The following PCDHGA4 variants were observed in gnomAD, a reference collection of about 807,000 sequenced individuals.
The protein encoded by PCDHGA4 is protocadherin gamma-A4.
PCDHGA4 carries 38 observed loss-of-function variants against 54.6 expected under a neutral mutation model. The ratio of observed to expected loss-of-function variants is 0.70; its 90% confidence interval spans 0.54 to 0.91. The LOEUF (loss-of-function observed/expected upper bound fraction) is 0.91. Ranked by LOEUF, PCDHGA4 falls within the 40% of genes least tolerant of loss-of-function variation. The pLI, the probability that PCDHGA4 is intolerant of heterozygous loss-of-function variation, is 0.00. For missense variants in PCDHGA4, 1,298 were observed against 1,220.9 expected, an observed-to-expected ratio of 1.06 and a Z score of -0.94; for synonymous variants, 511 against 512.9, an observed-to-expected ratio of 1.00 and a Z score of 0.05.
chr5:141,388,849 G>A, intron 1 of PCDHGA4: 1 of 1,614,026 alleles, frequency 6.2e-7, no homozygotes, highest in Non-Finnish European at 8.5e-7. Flanking sequence ...GCAAGGGACG[G>A]TGGAGGAATG....
At chr5:141,393,777 G>A (rs1388423635) in intron 1 of PCDHGA4, 2 of 1,613,916 alleles carry the variant, frequency 1.2e-6, no homozygotes, top group East Asian at 2.2e-5. Context: ...AATACAAGCC[G>A]AAGATGTGGG....
At chr5:141,484,347 T>C (rs569724902) in intron 1 of PCDHGA4, among the ~76,000 whole-genome samples, 2 of 152,302 alleles carry the variant, frequency 1.3e-5, no homozygotes, top group East Asian at 1.9e-4. Flanking sequence ...AATGGTAATT[T>C]AGTGTATCTA....
At chr5:141,376,171 G>T (rs758847977) in intron 1 of PCDHGA4, 1 of 1,614,096 alleles carries the variant, frequency 6.2e-7, no homozygotes, top group South Asian at 1.1e-5. Context: ...TGGTGGTGGC[G>T]GTGGCCGCGG....
intron 1 of PCDHGA4, chr5:141,391,563 A>T (rs545672465): frequency 5.3e-5 from 8 of 152,322 alleles, no homozygotes; most frequent in Admixed American, 2.0e-4. Context: ...TTCCATATGC[A>T]TAAGAAAATA....
rs2099413641 is a variant in PCDHGA4, at chr5:141,477,586, T to C, written c.2515-17221T>C. The C allele has an allele frequency of 1.9e-6, 3 of 1,614,022 alleles. No individual in the cohort carries two copies. The highest frequency in any genetic ancestry group is 2.5e-6 in the Non-Finnish European group (3 of 1,180,036). On this transcript the variant is annotated intron_variant, in intron 1 of 3. Transcript: ENST00000571252. This position sits in a 1 kb window ranked among gnomAD's most constrained non-coding sequence, Gnocchi z 4.9. ...GGGACCCCGACGCCCCGCAGAATGC[T>C]CGGCTTTCTTTCTTTCTCTTGGAGC... is the stretch of plus-strand genomic sequence containing the variant.
intron 1 of PCDHGA4, among the ~76,000 whole-genome samples, chr5:141,457,912 C>T (rs991917175): frequency 1.3e-5 from 2 of 152,120 alleles, no homozygotes; most frequent in African/African-American, 4.8e-5. Context: ...GGTGTGAGGC[C>T]AGTTCTCCCC....
chr5:141,362,108 C>A, intron 1 of PCDHGA4: 4 of 1,613,972 alleles, frequency 2.5e-6, no homozygotes, highest in Non-Finnish European at 3.4e-6. Context: ...TCCGCTACGG[C>A]CACGCTGCAC....
At chr5:141,411,954 A>T (rs563669924) in intron 1 of PCDHGA4, 1 of 152,382 alleles carries the variant, frequency 6.6e-6, no homozygotes, top group East Asian at 1.9e-4. Flanking sequence ...TTTTGAAGAA[A>T]AAAGATAAAA....
intron 1 of PCDHGA4, among the ~76,000 whole-genome samples, chr5:141,402,117 A>G (rs1344939045): frequency 6.6e-6 from 1 of 152,172 alleles, no homozygotes; most frequent in Non-Finnish European, 1.5e-5. Context: ...AAATGTGAAA[A>G]TTTCCAACTT....
chr5:141,399,494 G>A, intron 1 of PCDHGA4: 1 of 1,614,032 alleles, frequency 6.2e-7, no homozygotes, highest in Non-Finnish European at 8.5e-7. Flanking sequence ...TACTTAGTCA[G>A]TGTACCCGAA....
At position 141,364,381 on chromosome 5, in the gene PCDHGA4, C is replaced by A. The variant is rs1763293238; in HGVS notation, c.2514+6760C>A. On this transcript the variant is annotated intron_variant, in intron 1 of 3. Coordinates refer to ENST00000571252, the MANE Select transcript of PCDHGA4 (RefSeq NM_018917.4). ...GCTGCGGAGAGCTGCTGCTGCCCTTCATGCTCCTGGGGACGCTGTGCGAGC... is the reference window on the plus strand; with the variant it reads ...GCTGCGGAGAGCTGCTGCTGCCCTTAATGCTCCTGGGGACGCTGTGCGAGC... The A allele has an allele frequency of 1.9e-6, 3 of 1,581,268 alleles. No homozygotes were observed. In the South Asian group the frequency reaches 3.5e-5, roughly 18 times the overall value.
At chr5:141,364,321 A>G (rs762290044) in intron 1 of PCDHGA4, 21 of 1,526,304 alleles carry the variant, frequency 1.4e-5, no homozygotes, top group Middle Eastern at 1.8e-4. Flanking sequence ...AATTGGGCAG[A>G]GAGAAGGCAA....
intron 1 of PCDHGA4, among the ~76,000 whole-genome samples, chr5:141,358,521 A>G (rs1448511689): frequency 6.6e-6 from 1 of 152,234 alleles, no homozygotes; most frequent in Non-Finnish European, 1.5e-5. Context: ...ATGAACTGGT[A>G]TATTTCAAAT....
intron 2 of PCDHGA4, among the ~76,000 whole-genome samples, chr5:141,497,023 G>A (rs1271608156): frequency 1.3e-5 from 2 of 151,912 alleles, no homozygotes; most frequent in Non-Finnish European, 2.9e-5. Flanking sequence ...ACCCCATCTC[G>A]ATTAAAAATA....
At chr5:141,382,689 T>C in intron 1 of PCDHGA4, 3 of 445,878 alleles carry the variant, frequency 6.7e-6, no homozygotes, top group African/African-American at 2.0e-5. Flanking sequence ...CAGGGAAAAA[T>C]GGTGCGAGAG....
At chr5:141,414,926 G>T (rs2095802657) in intron 1 of PCDHGA4, 3 of 1,614,114 alleles carry the variant, frequency 1.9e-6, no homozygotes, top group Admixed American at 1.7e-5. Flanking sequence ...CTGGCGCCCC[G>T]CTCCGCAGAG....
chr5:141,376,507 G>A, intron 1 of PCDHGA4: 2 of 1,614,090 alleles, frequency 1.2e-6, no homozygotes, highest in Non-Finnish European at 1.7e-6. Flanking sequence ...GGCAACTTCA[G>A]GTGAGTTTCT....
intron 1 of PCDHGA4, chr5:141,404,243 C>A: frequency 6.2e-7 from 1 of 1,613,810 alleles, no homozygotes; most frequent in Non-Finnish European, 8.5e-7. Flanking sequence ...AGGAACTCCG[C>A]CCCTGTCCAC....
intron 3 of PCDHGA4, among the ~76,000 whole-genome samples, chr5:141,509,069 G>A (rs1463164307): frequency 2.6e-5 from 4 of 152,174 alleles, no homozygotes; most frequent in African/African-American, 9.7e-5. Context: ...CTCAGCTCCG[G>A]GGATTTGCGA....
Sources: allele counts gnomAD v4.1 joint callset (sites outside exome capture counted in the v4.1 genomes callset), GRCh38; gene constraint gnomAD v4.1.1; non-coding constraint Gnocchi (gnomAD v3.1); transcripts MANE v1.5; gene names NCBI Gene and HGNC (gene_info 2026-07-23, HGNC 2026-07-21).